Variants in PARD6B observed in about 807,000 individuals in gnomAD.
PARD6B encodes partitioning defective 6 homolog beta.
A neutral mutation model predicts 10.5 loss-of-function variants in PARD6B; 4 were observed. That is an observed-to-expected ratio of 0.38 (90% CI 0.19 to 0.87). PARD6B has a LOEUF of 0.87. Ranked by LOEUF, PARD6B falls within the 40% of genes least tolerant of loss-of-function variation. The pLI is 0.41. For synonymous variants in PARD6B, 169 were observed against 170.4 expected (o/e 0.99, Z 0.07); for missense variants, 396 against 470.6 (o/e 0.84, Z 1.47).
chr20:50,747,153 C>T (rs538636600), intron 2 of PARD6B, among the ~76,000 whole-genome samples: 2 of 152,160 alleles, frequency 1.3e-5, no homozygotes, highest in Non-Finnish European at 2.9e-5. Flanking sequence ...TAAAGCTCCC[C>T]ATACTCTGAC....
At chr20:50,733,183 G>A (rs975214535) in intron 1 of PARD6B, among the ~76,000 whole-genome samples, 13 of 152,346 alleles carry the variant, frequency 8.5e-5, no homozygotes, top group African/African-American at 3.1e-4. Flanking sequence ...ACTTTGGGAG[G>A]CCGAGGCGGG....
At position 50,750,176 on chromosome 20, in the gene PARD6B, T is replaced by C; in HGVS notation, c.807T>C (p.Thr269=). 1 of 1,614,230 alleles carries C rather than the reference T, an allele frequency of 6.2e-7. No homozygotes were observed. The highest frequency in any genetic ancestry group is 8.5e-7 in the Non-Finnish European group (1 of 1,180,044). Reference sequence around the variant, plus strand: ...CTTCTGGCAGTTCCGGTCAGTCTACTGATAACAGCCTTCTTGGCTACCCAC... The same window carrying C: ...CTTCTGGCAGTTCCGGTCAGTCTACCGATAACAGCCTTCTTGGCTACCCAC... ...SRTSGSSGQS[T]DNSLLGYPQQ... Residue 269 remains threonine (T), a synonymous_variant, in exon 3 of 3, where the codon ACT becomes ACC. Transcript: ENST00000371610.
At chr20:50,743,701 G>C (rs187087109) in intron 2 of PARD6B, among the ~76,000 whole-genome samples, 1 of 151,926 alleles carries the variant, frequency 6.6e-6, no homozygotes, top group Non-Finnish European at 1.5e-5. Context: ...ATCCTGGCTA[G>C]CATGGTGAAA....
intron 2 of PARD6B, 96 bp from the exon 3 acceptor site, chr20:50,749,563 A>G: frequency 9.2e-7 from 1 of 1,086,610 alleles, no homozygotes; most frequent in Middle Eastern, 2.6e-4. Context: ...TATATACCAA[A>G]TATATTTTGA....
At chr20:50,741,134 T>C (rs538372087) in intron 2 of PARD6B, among the ~76,000 whole-genome samples, 53 of 152,108 alleles carry the variant, frequency 3.5e-4, no homozygotes, top group African/African-American at 1.3e-3. Context: ...CTAATTTTTG[T>C]ATTTTTAGTA....
intron 1 of PARD6B, among the ~76,000 whole-genome samples, chr20:50,733,107 G>T (rs1215019965): frequency 2.6e-5 from 4 of 152,230 alleles, no homozygotes; most frequent in African/African-American, 9.6e-5. Context: ...ATCGACATTC[G>T]TTTGTAACAT....
intron 1 of PARD6B, among the ~76,000 whole-genome samples, chr20:50,733,494 TAGTA>T (rs2087483503): frequency 6.6e-6 from 1 of 152,146 alleles, no homozygotes; most frequent in African/African-American, 2.4e-5. Flanking sequence ...GTTTCAGAAT[TAGTA>T]AGAAAAGACG....
chr20:50,735,806 A>C (rs373232849), intron 1 of PARD6B, among the ~76,000 whole-genome samples: 46 of 152,382 alleles, frequency 3.0e-4, no homozygotes, highest in African/African-American at 1.1e-3. Context: ...TAACAAAAAC[A>C]TTGAAGCCCT....
In PARD6B at chr20:50,752,537, A is replaced by G. The variant is rs1488273830; in HGVS notation, c.*2049A>G. 1.0e-6 allele frequency: 1 copy of G among 984,518 alleles called. No individual in the cohort carries two copies. The highest frequency in any genetic ancestry group is 1.2e-6 in the Non-Finnish European group (1 of 829,184). The allele number at this position is 984,518 out of a possible 1,614,324, so 61.0% of individuals were successfully genotyped here. A position where few individuals can be genotyped will look rare whatever the true frequency, so the allele number is the denominator to read the frequency against. On this transcript the variant is annotated 3_prime_UTR_variant, in exon 3 of 3. Coordinates refer to ENST00000371610, the MANE Select transcript of PARD6B (RefSeq NM_032521.3). ...AATTCCTTGCCTGATTTTATTGTAC[A>G]GTGTGCACAAGCACAATGGTATGCT... is the stretch of plus-strand genomic sequence containing the variant.
intron 2 of PARD6B, among the ~76,000 whole-genome samples, chr20:50,742,243 CA>C (rs1367351131): frequency 8.5e-5 from 13 of 152,136 alleles, no homozygotes; most frequent in African/African-American, 3.1e-4. Flanking sequence ...AGGGTTTTGC[CA>C]TGTTGGCCAG....
rs547317939 is a variant in PARD6B, at chr20:50,751,001, A to T, written c.*513A>T. 1.6e-4 allele frequency: 97 copies of T among 620,116 alleles called. 1 individual carries two copies. The African/African-American group carries it at 2.5e-3, about 16-fold the overall frequency. 38.4% of individuals were successfully genotyped at this position (620,116 alleles called of 1,614,324 possible). ...TTTTTTTTTTTAGTGACTGGGTCTC[A>T]CTCTGTTGCCCACACTGGAATGCAG... On this transcript the variant is annotated 3_prime_UTR_variant, in exon 3 of 3. Transcript: ENST00000371610.
At chr20:50,744,719 A>G (rs2087556017) in intron 2 of PARD6B, among the ~76,000 whole-genome samples, 1 of 147,446 alleles carries the variant, frequency 6.8e-6, no homozygotes, top group African/African-American at 2.5e-5. Flanking sequence ...TCTTCTGGAT[A>G]TTGTCGAGTC....
Position 50,750,954 on chromosome 20 carries a change from A to ATTTT in PARD6B, c.*495_*498dup, listed in dbSNP as rs565068464. 2.0e-3 allele frequency: 766 copies of ATTTT among 387,660 alleles called. 88 individuals carry two copies. The highest frequency in any genetic ancestry group is 0.013 in the African/African-American group (355 of 27,416). 24.0% of individuals were successfully genotyped at this position (387,660 alleles called of 1,614,324 possible). On this transcript the variant is annotated 3_prime_UTR_variant, in exon 3 of 3. Coordinates refer to ENST00000371610, the MANE Select transcript of PARD6B (RefSeq NM_032521.3). ...CTCATGTTCCCAATATTTTATTTTGATTTTTTTTTTTTTTTTTTTTTTTTT... is the reference window on the plus strand; with the variant it reads ...CTCATGTTCCCAATATTTTATTTTGATTTTTTTTTTTTTTTTTTTTTTTTTTTTT...
intron 1 of PARD6B, among the ~76,000 whole-genome samples, chr20:50,732,161 T>C (rs889102976): frequency 2.0e-5 from 3 of 152,188 alleles, no homozygotes; most frequent in African/African-American, 7.2e-5. Context: ...TGGCGCACAC[T>C]GAGTGAAATG....
Position 50,753,653 on chromosome 20 carries a change from A to G in PARD6B, c.*3165A>G. ...ACAATTTTATTATAAAGTGTACATT[A>G]TCACTAAATGAACTTCGATTTTAAA... On this transcript the variant is annotated 3_prime_UTR_variant, in exon 3 of 3. Transcript: ENST00000371610. The G allele has an allele frequency of 1.3e-6, 1 of 779,964 alleles. No homozygotes were observed. The highest frequency in any genetic ancestry group is 1.6e-6 in the Non-Finnish European group (1 of 642,382). 48.3% of individuals were successfully genotyped at this position (779,964 alleles called of 1,614,324 possible). A position where few individuals can be genotyped will look rare whatever the true frequency, so the allele number is the denominator to read the frequency against.
Position 50,751,927 on chromosome 20 carries a change from C to T in PARD6B, c.*1439C>T. The T allele has an allele frequency of 1.1e-6, 1 of 948,604 alleles. No homozygotes were observed. Among genetic ancestry groups the T allele is most frequent in the Non-Finnish European group, 1.3e-6 (1 of 796,722 alleles). 58.8% of individuals were successfully genotyped at this position (948,604 alleles called of 1,614,324 possible). A position where few individuals can be genotyped will look rare whatever the true frequency, so the allele number is the denominator to read the frequency against. ...CCATGTTGGTCAGGTGGGTCTCAAA[C>T]TCCTGACCTCAAGTGATCCGCCCAT... On this transcript the variant is annotated 3_prime_UTR_variant, in exon 3 of 3. Transcript: ENST00000371610.
intron 2 of PARD6B, among the ~76,000 whole-genome samples, chr20:50,741,789 G>C (rs553655456): frequency 6.6e-6 from 1 of 151,722 alleles, no homozygotes; most frequent in Non-Finnish European, 1.5e-5. Flanking sequence ...TTCGTGATCC[G>C]CCCGTCTCGG....
At position 50,750,261 on chromosome 20, in the gene PARD6B, A is replaced by G. The variant is rs368236261; in HGVS notation, c.892A>G (p.Ile298Val). 85 of 1,614,138 alleles carry G rather than the reference A, an allele frequency of 5.3e-5. No individual in the cohort carries two copies. Among genetic ancestry groups the G allele is most frequent in the Non-Finnish European group, 6.9e-5 (81 of 1,180,056 alleles). The stretch of plus-strand genomic sequence containing the variant: ...AGACAGCGAAGAAGATGACATTATC[A>G]TTGAAGACAATGGAGTGCCACAGCA... ...DEDSEEDDII[I>V]EDNGVPQQIP... Residue 298 changes from isoleucine to valine, a missense_variant, in exon 3 of 3, where the codon ATT becomes GTT. Ile to Val is a conservative substitution (Grantham distance 29, BLOSUM62 3). Transcript: ENST00000371610.
intron 2 of PARD6B, among the ~76,000 whole-genome samples, chr20:50,738,510 C>T (rs1397405625): frequency 6.6e-6 from 1 of 152,118 alleles, no homozygotes; most frequent in Non-Finnish European, 1.5e-5. Context: ...TAATAAATAC[C>T]AGAAACAAAG....
Sources: allele counts gnomAD v4.1 joint callset (sites outside exome capture counted in the v4.1 genomes callset), GRCh38; gene constraint gnomAD v4.1.1; transcripts MANE v1.5; gene names NCBI Gene and HGNC (gene_info 2026-07-23, HGNC 2026-07-21).